The following VPS13C variants were observed in gnomAD, a reference collection of about 807,000 sequenced individuals.
VPS13C encodes intermembrane lipid transfer protein VPS13C.
Under a neutral mutation model 456.8 loss-of-function variants are expected in VPS13C, and 358 were observed. The observed-to-expected ratio is 0.78, with a 90% CI of 0.72 to 0.86. The LOEUF is 0.86. VPS13C is among the 40% of genes least tolerant of loss of function. The probability of loss-of-function intolerance (pLI) is 0.00; values close to 1 mark genes in which losing one functional copy is unlikely to be tolerated. For synonymous variants in VPS13C, 1,578 were observed against 1,486.7 expected (o/e 1.06, Z -1.41); for missense variants, 4,818 against 4,385.4 (o/e 1.10, Z -2.79).
rs553736933 is a variant in VPS13C, at chr15:61,865,562, ATGTT to A, written c.10864-2038_10864-2035del. 94 of 827,464 alleles carry A rather than the reference ATGTT, an allele frequency of 1.1e-4. No homozygotes were observed. The African/African-American group carries it at 1.6e-3, about 14-fold the overall frequency. 51.3% of individuals were successfully genotyped at this position (827,464 alleles called of 1,614,324 possible). On this transcript the variant is annotated intron_variant, in intron 81 of 84. Coordinates refer to ENST00000644861, the MANE Select transcript of VPS13C (RefSeq NM_020821.3). ...TATATATGTATGTGTAAATATGTGTATGTTTGCGTATATATGTGTGTATATGTGT... is the reference window on the plus strand; with the variant it reads ...TATATATGTATGTGTAAATATGTGTATGCGTATATATGTGTGTATATGTGT...
rs1462313345 is a variant in VPS13C at position 62,044,232 on chromosome 15, G to A, written c.124C>T (p.Gln42Ter). Residue 42 changes from glutamine to a stop codon, truncating the protein, a stop_gained, in exon 2 of 85, where the codon CAG (glutamine) becomes TAG (stop). Coordinates refer to ENST00000644861, the MANE Select transcript of VPS13C (RefSeq NM_020821.3). LOFTEE classifies it high-confidence loss of function. ...CTTACCAGGGCATTTTCTTTTATCT[G>A]TAGATTATCTAAAGCCACATTTCCT... ...WGGNVALDNL[Q>*]IKENALSELD... 1.4e-6 allele frequency: 2 copies of A among 1,481,008 alleles called. No individual in the cohort carries two copies. The highest frequency in any genetic ancestry group is 1.2e-5 in the South Asian group (1 of 84,132). 91.7% of individuals were successfully genotyped at this position (1,481,008 alleles called of 1,614,324 possible).
At position 62,060,360 on chromosome 15, in the gene VPS13C, C is replaced by T. The variant is rs756890878; in HGVS notation, c.15G>A (p.Ser5=). Residue 5 remains serine, a synonymous_variant, in exon 1 of 85, where the codon TCG becomes TCA. Transcript: ENST00000644861. ...AGCGGTTCAGCAAGTCCGCGACCAC[C>T]GACTCCAGCACCATGGTGGCGCTGA... MVLE[S]VVADLLNRFL... is the part of the protein sequence containing the mutation. 6.3e-7 allele frequency: 1 copy of T among 1,598,006 alleles called. No individual in the cohort carries two copies. The highest frequency in any genetic ancestry group is 1.7e-5 in the Admixed American group (1 of 59,112).
At chr15:62,051,235 C>T (rs941862309) in intron 1 of VPS13C, among the ~76,000 whole-genome samples, 5 of 152,170 alleles carry the variant, frequency 3.3e-5, no homozygotes, top group African/African-American at 1.2e-4. Flanking sequence ...TACTGATTCT[C>T]CTCAGAGTAG....
rs1376309128 is a variant in VPS13C, at chr15:62,037,409, TATATA to T, written c.188-2362_188-2358del. Among the ~76,000 whole-genome samples, 12 of 92,292 alleles carry T rather than the reference TATATA, an allele frequency of 1.3e-4. No individual in the cohort carries two copies. In the East Asian group the frequency reaches 2.5e-3, roughly 19 times the overall value. 60.5% of individuals were successfully genotyped at this position (92,292 alleles called of 152,430 possible). On this transcript the variant is annotated intron_variant, in intron 3 of 84. Coordinates refer to ENST00000644861, the MANE Select transcript of VPS13C (RefSeq NM_020821.3). ...GTATATAATATATTATATATAAATATATATAATATGTTATATATAAATATAATATA... is the reference window on the plus strand; with the variant it reads ...GTATATAATATATTATATATAAATATATATGTTATATATAAATATAATATA...
chr15:61,952,128 A>G (rs2044821608), intron 38 of VPS13C, 148 bp from the exon 39 acceptor site: 2 of 990,430 alleles, frequency 2.0e-6, no homozygotes, highest in Non-Finnish European at 2.8e-6. Context: ...GCAGTTTGGC[A>G]TGATTCCCAG....
At chr15:61,893,048 G>T (rs948468604) in intron 66 of VPS13C, among the ~76,000 whole-genome samples, 11 of 152,180 alleles carry the variant, frequency 7.2e-5, no homozygotes, top group African/African-American at 2.4e-5. Context: ...TTGAGAAAGA[G>T]CAAGGGGTAG....
rs757314159 is a variant in VPS13C, at chr15:61,922,766, TA to T, written c.6610-5del. ...TATTAAGAATTATGGGTGAAATCTT[TA>T]AAAAAGAAAGCAGAAAAATATTTAT... On this transcript the variant is annotated splice_polypyrimidine_tract_variant and splice_region_variant and intron_variant, in intron 53 of 84. Transcript: ENST00000644861. The T allele has an allele frequency of 4.7e-5, 73 of 1,555,816 alleles. 1 individual carries two copies. In the South Asian group the frequency reaches 7.9e-4, roughly 17 times the overall value.
rs573636554 is a variant in VPS13C at position 61,922,729 on chromosome 15, T to G, written c.6643A>C (p.Ile2215Leu). ...SPIILNTVLT[I>L]MAALSPKTKE... is the part of the protein sequence containing the mutation. ...GTTTTTGGAGACAATGCAGCCATGA[T>G]TGTCAACACAGTATTAAGAATTATG... The change falls in exon 54 of 85, where the codon ATC (isoleucine) becomes CTC (leucine). Residue 2215 changes from isoleucine to leucine, a missense_variant. Coordinates refer to ENST00000644861, the MANE Select transcript of VPS13C (RefSeq NM_020821.3). The G allele has an allele frequency of 2.5e-6, 4 of 1,611,766 alleles. No individual in the cohort carries two copies. Among genetic ancestry groups the G allele is most frequent in the African/African-American group, 1.3e-5 (1 of 74,712 alleles).
In VPS13C at chr15:61,867,202, A is replaced by T; in HGVS notation, c.10863+1457T>A. The T allele has an allele frequency of 1.0e-6, 1 of 982,350 alleles. No individual in the cohort carries two copies. The highest frequency in any genetic ancestry group is 1.2e-6 in the Non-Finnish European group (1 of 827,100). The allele number at this position is 982,350 out of a possible 1,614,324, so 60.9% of individuals were successfully genotyped here. On this transcript the variant is annotated intron_variant, in intron 81 of 84. Transcript: ENST00000644861. The surrounding 1 kb of genome is among the most constrained non-coding windows in gnomAD (Gnocchi z 5.0). ...CTTCTATCTACATTAATTAAAACTA[A>T]TAATTATGAAATAAGCATAACCAAC... is the stretch of plus-strand genomic sequence containing the variant.
intron 28 of VPS13C, among the ~76,000 whole-genome samples, chr15:61,968,245 A>T (rs1596397223): frequency 6.6e-6 from 1 of 152,120 alleles, no homozygotes; most frequent in East Asian, 1.9e-4. Context: ...TCCAACCCAT[A>T]GTATAAACCA....
chr15:61,978,599 G>C, intron 23 of VPS13C, 27 bp downstream of exon 23: 1 of 1,603,320 alleles, frequency 6.2e-7, no homozygotes, highest in South Asian at 1.1e-5. Flanking sequence ...ATAATCCCAA[G>C]ATCCTAAAAG....
chr15:61,871,967 G>A (rs961924967), intron 79 of VPS13C, 22 bp downstream of exon 79: 2 of 1,606,716 alleles, frequency 1.2e-6, no homozygotes, highest in Admixed American at 3.4e-5. Context: ...CTTTGTAAAG[G>A]AAGGAAATAT....
At chr15:61,992,829 T>C (rs1435757655) in intron 16 of VPS13C, among the ~76,000 whole-genome samples, 1 of 151,850 alleles carries the variant, frequency 6.6e-6, no homozygotes, top group African/African-American at 2.4e-5. Flanking sequence ...CACACAACAA[T>C]TAAATCAAAT....
At chr15:61,995,340 A>G (rs1486603624) in intron 16 of VPS13C, among the ~76,000 whole-genome samples, 2 of 152,186 alleles carry the variant, frequency 1.3e-5, no homozygotes, top group Admixed American at 6.5e-5. Flanking sequence ...TGAGTTTTCC[A>G]TGACGTTTGT....
Position 61,921,985 on chromosome 15 carries a change from T to A in VPS13C, c.7024A>T (p.Arg2342Ter), listed in dbSNP as rs1167450577. 1.9e-6 allele frequency: 3 copies of A among 1,613,646 alleles called. No homozygotes were observed. Among genetic ancestry groups the A allele is most frequent in the Non-Finnish European group, 2.5e-6 (3 of 1,179,658 alleles). ...IHAVWEPLIE[R>*]VEGKRQWNLR... ...TTCCATTGTCTCTTCCCCTCCACTC[T>A]CTCAATCAGTGGCTCCCAGACAGCA... Residue 2342 changes from arginine to a stop codon, truncating the protein, a stop_gained, in exon 55 of 85, where the codon AGA becomes TGA. Transcript: ENST00000644861. LOFTEE classifies it high-confidence loss of function.
At chr15:61,889,835 T>C (rs1363007163) in intron 67 of VPS13C, among the ~76,000 whole-genome samples, 4 of 152,140 alleles carry the variant, frequency 2.6e-5, no homozygotes, top group Non-Finnish European at 5.9e-5. Flanking sequence ...TCCTTCTTTG[T>C]ACATCCTTTC....
intron 1 of VPS13C, among the ~76,000 whole-genome samples, chr15:62,050,968 G>C (rs1442530944): frequency 6.6e-6 from 1 of 150,934 alleles, no homozygotes; most frequent in Non-Finnish European, 1.5e-5. Context: ...GCTAGTTATA[G>C]AAAACAACCA....
Position 61,882,589 on chromosome 15 carries a change from A to G in VPS13C, c.9624+7T>C. The stretch of plus-strand genomic sequence containing the variant: ...GATAAATACTTATTTGAGAATGACA[A>G]TGTTACCTGAAGCCAGTACAACCTG... On this transcript the variant is annotated splice_region_variant and intron_variant, in intron 69 of 84. Coordinates refer to ENST00000644861, the MANE Select transcript of VPS13C (RefSeq NM_020821.3). The G allele has an allele frequency of 1.3e-6, 2 of 1,514,454 alleles. No individual in the cohort carries two copies. The allele number at this position is 1,514,454 out of a possible 1,614,324, so 93.8% of individuals were successfully genotyped here.
chr15:62,026,328 A>C (rs1270117879), intron 6 of VPS13C, among the ~76,000 whole-genome samples: 1 of 151,974 alleles, frequency 6.6e-6, no homozygotes, highest in African/African-American at 2.4e-5. Context: ...ATATTGCTTT[A>C]CTGAATTATG....
Sources: allele counts gnomAD v4.1 joint callset (sites outside exome capture counted in the v4.1 genomes callset), GRCh38; gene constraint gnomAD v4.1.1; non-coding constraint Gnocchi (gnomAD v3.1); transcripts MANE v1.5; gene names NCBI Gene and HGNC (gene_info 2026-07-23, HGNC 2026-07-21).